The following TNRC6B variants were observed in gnomAD, a reference collection of about 807,000 sequenced individuals.
The protein encoded by TNRC6B is trinucleotide repeat containing adaptor 6B.
A neutral mutation model predicts 203.6 loss-of-function variants in TNRC6B; 52 were observed. The observed-to-expected ratio is 0.26, with a 90% CI of 0.20 to 0.32. The LOEUF (loss-of-function observed/expected upper bound fraction) is 0.32. Ranked by LOEUF, TNRC6B falls within the 10% of genes least tolerant of loss-of-function variation. The pLI is 1.00. For missense variants in TNRC6B, 1,923 were observed against 2,286.2 expected (o/e 0.84, Z 3.24); for synonymous variants, 838 against 845.7 (o/e 0.99, Z 0.16).
rs530971195 is a variant in TNRC6B at position 40,299,154 on chromosome 22, A to C, written c.3709-1301A>C. On this transcript the variant is annotated intron_variant, in intron 12 of 22. Transcript: ENST00000454349. Reference sequence around the variant, plus strand: ...AGTGAGACCCTGTCTCAAAAAAAAAAAAACAAAAAAAAAAAAAAAACAAAA... The same window carrying C: ...AGTGAGACCCTGTCTCAAAAAAAAACAAACAAAAAAAAAAAAAAAACAAAA... Among the ~76,000 whole-genome samples, 294 of 151,656 alleles carry C rather than the reference A, an allele frequency of 1.9e-3. 1 individual carries two copies. The highest frequency in any genetic ancestry group is 4.1e-3 in the African/African-American group (170 of 41,386).
chr22:40,162,218 C>T (rs2068877305), intron 4 of TNRC6B, among the ~76,000 whole-genome samples: 1 of 152,108 alleles, frequency 6.6e-6, no homozygotes. Flanking sequence ...CCCAGCCTCC[C>T]AAGTAGCTGG....
intron 1 of TNRC6B, among the ~76,000 whole-genome samples, chr22:40,196,750 C>T (rs969252325): frequency 5.9e-5 from 9 of 152,022 alleles, no homozygotes; most frequent in East Asian, 1.9e-4. Context: ...CTGTACTCTG[C>T]AGTAGCTTCT....
At chr22:40,304,681 T>C (rs2071068189) in intron 15 of TNRC6B, among the ~76,000 whole-genome samples, 1 of 152,226 alleles carries the variant, frequency 6.6e-6, no homozygotes, top group Non-Finnish European at 1.5e-5. Flanking sequence ...CGTGGATATC[T>C]GAACTCATTT....
chr22:40,105,678 C>T (rs953611909), intron 1 of TNRC6B, among the ~76,000 whole-genome samples: 4 of 152,098 alleles, frequency 2.6e-5, no homozygotes, highest in Non-Finnish European at 5.9e-5. Flanking sequence ...AGTGTACTTA[C>T]CATTGTGCTA....
intron 1 of TNRC6B, among the ~76,000 whole-genome samples, chr22:40,199,831 TCG>T (rs2069386884): frequency 6.6e-6 from 1 of 152,072 alleles, no homozygotes; most frequent in Non-Finnish European, 1.5e-5. Flanking sequence ...TCTGGCTCTG[TCG>T]CCCAGGCTGG....
At chr22:40,091,346 G>C (rs1459131758) in intron 1 of TNRC6B, among the ~76,000 whole-genome samples, 2 of 151,990 alleles carry the variant, frequency 1.3e-5, no homozygotes, top group African/African-American at 4.8e-5. Context: ...GGCTTCTAGA[G>C]CTATATAGTA....
chr22:40,319,914 A>G (rs1291258244), intron 21 of TNRC6B, among the ~76,000 whole-genome samples: 1 of 152,182 alleles, frequency 6.6e-6, no homozygotes, highest in Non-Finnish European at 1.5e-5. Flanking sequence ...TGTTTCTTTC[A>G]TCACCTAAAA....
At position 40,327,411 on chromosome 22, in the gene TNRC6B, G is replaced by C. The variant is rs1159963034; in HGVS notation, c.*4170G>C. 1.3e-5 allele frequency: 2 copies of C among 152,448 alleles called. No individual in the cohort carries two copies. The highest frequency in any genetic ancestry group is 2.9e-5 in the Non-Finnish European group (2 of 68,044). The allele number at this position is 152,448 out of a possible 1,614,324, so 9.4% of individuals were successfully genotyped here. ...AGAATGCCAAGTTCCTTCCTGTGTC[G>C]TGTGCCCTCCATTACTGTGCATTGA... On this transcript the variant is annotated 3_prime_UTR_variant, in exon 23 of 23. Transcript: ENST00000454349.
intron 12 of TNRC6B, among the ~76,000 whole-genome samples, chr22:40,292,352 C>CA (rs3044498): frequency 2.7e-3 from 275 of 100,690 alleles, no homozygotes; most frequent in South Asian, 7.3e-3. Context: ...GACTCCATCT[C>CA]AAAAAAAAAA....
chr22:40,200,356 G>T (rs188838568), intron 1 of TNRC6B, among the ~76,000 whole-genome samples: 1 of 115,322 alleles, frequency 8.7e-6, no homozygotes, highest in Non-Finnish European at 1.6e-5. Context: ...GCATGATCTC[G>T]GCTCACTACA....
At chr22:40,207,421 ATATAT>A (rs2069496075) in intron 1 of TNRC6B, among the ~76,000 whole-genome samples, 29 of 86,344 alleles carry the variant, frequency 3.4e-4, no homozygotes, top group African/African-American at 2.1e-3. Flanking sequence ...AAAAAAAAAT[ATATAT>A]ATATATATAT....
At chr22:40,160,729 C>CT (rs914173279) in intron 4 of TNRC6B, among the ~76,000 whole-genome samples, 1 of 151,466 alleles carries the variant, frequency 6.6e-6, no homozygotes, top group African/African-American at 2.4e-5. Context: ...AGCCCAGATA[C>CT]TTTTTTTTGC....
intron 1 of TNRC6B, among the ~76,000 whole-genome samples, chr22:40,076,017 C>T (rs2068010011): frequency 6.6e-6 from 1 of 152,172 alleles, no homozygotes; most frequent in African/African-American, 2.4e-5. Context: ...TTTCCATTTA[C>T]CCACATATTT....
At chr22:40,063,978 C>T (rs548297066) in intron 1 of TNRC6B, among the ~76,000 whole-genome samples, 1 of 152,318 alleles carries the variant, frequency 6.6e-6, no homozygotes, top group African/African-American at 2.4e-5. Flanking sequence ...GCTGTGATTA[C>T]AGGCCTGAGC....
At chr22:40,275,894 G>C (rs1455445282) in intron 7 of TNRC6B, among the ~76,000 whole-genome samples, 1 of 151,986 alleles carries the variant, frequency 6.6e-6, no homozygotes, top group African/African-American at 2.4e-5. Flanking sequence ...AGGAGGTAGA[G>C]GTTGCAGTGA....
At chr22:40,238,526 A>G (rs1459743121) in intron 1 of TNRC6B, among the ~76,000 whole-genome samples, 2 of 151,744 alleles carry the variant, frequency 1.3e-5, no homozygotes, top group Admixed American at 1.3e-4. Flanking sequence ...TCTCCCTTAC[A>G]CCCTGTACTG....
At chr22:40,100,683 GTCTCTA>G (rs1212877651) in intron 1 of TNRC6B, among the ~76,000 whole-genome samples, 1 of 152,216 alleles carries the variant, frequency 6.6e-6, no homozygotes, top group Non-Finnish European at 1.5e-5. Context: ...ACTGTGCCCA[GTCTCTA>G]TACCATTTTG....
Position 40,325,889 on chromosome 22 carries a change from G to A in TNRC6B, c.*2648G>A, listed in dbSNP as rs2071395725. ...ACTATGGGTTAGTTGAGTTCCTTAC[G>A]ATACTACGGTGAAAGCCGGGTGCTA... On this transcript the variant is annotated 3_prime_UTR_variant, in exon 23 of 23. Transcript: ENST00000454349. 1 of 152,468 alleles carries A rather than the reference G, an allele frequency of 6.6e-6. No homozygotes were observed. Among genetic ancestry groups the A allele is most frequent in the African/African-American group, 2.4e-5 (1 of 41,382 alleles). The allele number at this position is 152,468 out of a possible 1,614,324, so 9.4% of individuals were successfully genotyped here.
chr22:40,232,905 A>G (rs754580909), intron 1 of TNRC6B, among the ~76,000 whole-genome samples: 6 of 152,120 alleles, frequency 3.9e-5, no homozygotes, highest in African/African-American at 1.4e-4. Flanking sequence ...TAATCCCAGC[A>G]CTTTAGGAGG....
Sources: allele counts gnomAD v4.1 joint callset (sites outside exome capture counted in the v4.1 genomes callset), GRCh38; gene constraint gnomAD v4.1.1; transcripts MANE v1.5; gene names NCBI Gene and HGNC (gene_info 2026-07-23, HGNC 2026-07-21).